The following EYS variants were observed in gnomAD, a reference collection of about 807,000 sequenced individuals.
The protein encoded by EYS is protein eyes shut homolog.
In EYS, 250 loss-of-function variants were observed where a neutral mutation model predicts 282.1. The observed-to-expected ratio is 0.89, with a 90% CI of 0.80 to 0.98. The LOEUF (loss-of-function observed/expected upper bound fraction) is 0.98. EYS is among the 50% of genes least tolerant of loss of function. EYS has a pLI of 0.00. For missense variants in EYS, 4,016 were observed against 3,709.0 expected (o/e 1.08, Z -2.15); for synonymous variants, 1,355 against 1,282.9 (o/e 1.06, Z -1.20).
intron 2 of EYS, among the ~76,000 whole-genome samples, chr6:65,521,929 G>T (rs1028626501): frequency 6.6e-6 from 1 of 152,034 alleles, no homozygotes; most frequent in African/African-American, 2.4e-5. Context: ...CAATGTAAGT[G>T]AATAAATGAT....
chr6:65,637,851 G>C (rs1347707535), intron 2 of EYS, among the ~76,000 whole-genome samples: 1 of 152,098 alleles, frequency 6.6e-6, no homozygotes, highest in African/African-American at 2.4e-5. Context: ...CTCAGCATGG[G>C]CCTGCAGCAC....
chr6:64,389,528 C>G (rs1773030593), intron 28 of EYS, among the ~76,000 whole-genome samples: 1 of 152,184 alleles, frequency 6.6e-6, no homozygotes, highest in African/African-American at 2.4e-5. Context: ...CCTGTCATCT[C>G]TAAGTAAATA....
intron 31 of EYS, among the ~76,000 whole-genome samples, chr6:64,121,073 C>T (rs1356584776): frequency 6.6e-6 from 1 of 152,142 alleles, no homozygotes; most frequent in Non-Finnish European, 1.5e-5. Context: ...CATGTGCCCC[C>T]CTCCCCCATA....
chr6:63,723,860 C>A (rs1284834001), intron 42 of EYS, among the ~76,000 whole-genome samples: 2 of 150,560 alleles, frequency 1.3e-5, no homozygotes, highest in Non-Finnish European at 3.0e-5. Context: ...CCTGCTCTGT[C>A]CCCCAAGCTG....
At chr6:64,838,205 G>A (rs183625161) in intron 19 of EYS, among the ~76,000 whole-genome samples, 128 of 151,890 alleles carry the variant, frequency 8.4e-4, no homozygotes, top group African/African-American at 3.1e-3. Context: ...CATAGTTTGG[G>A]ATTTGACTGT....
chr6:64,035,108 A>G (rs1241239056), intron 33 of EYS, among the ~76,000 whole-genome samples: 1 of 152,206 alleles, frequency 6.6e-6, no homozygotes, highest in Non-Finnish European at 1.5e-5. Context: ...AGTACACATG[A>G]CAGGCCCCAC....
intron 19 of EYS, among the ~76,000 whole-genome samples, chr6:64,861,923 A>C (rs965607397): frequency 6.6e-6 from 1 of 152,134 alleles, no homozygotes; most frequent in South Asian, 2.1e-4. Flanking sequence ...GTAGATTTCA[A>C]TTTCTGACCA....
chr6:65,115,777 G>GTTC (rs57803179), intron 12 of EYS, among the ~76,000 whole-genome samples: 39,692 of 151,744 alleles, frequency 0.26, 6,340 homozygotes, highest in African/African-American at 0.45. Flanking sequence ...AAAAGACATA[G>GTTC]ATTAGATTTC....
At chr6:64,467,273 A>G (rs889340868) in intron 26 of EYS, among the ~76,000 whole-genome samples, 2 of 152,180 alleles carry the variant, frequency 1.3e-5, no homozygotes, top group African/African-American at 4.8e-5. Flanking sequence ...CAGTCTGAAA[A>G]TTCCAGGTGT....
At chr6:63,785,586 A>AT (rs1416429259) in intron 39 of EYS, among the ~76,000 whole-genome samples, 2 of 152,254 alleles carry the variant, frequency 1.3e-5, no homozygotes, top group Non-Finnish European at 2.9e-5. Context: ...CTTTATGAGC[A>AT]TTAAAGGTCA....
At chr6:64,862,427 A>T (rs1310725315) in intron 19 of EYS, among the ~76,000 whole-genome samples, 1 of 152,114 alleles carries the variant, frequency 6.6e-6, no homozygotes, top group Non-Finnish European at 1.5e-5. Flanking sequence ...TTTTTGTGTA[A>T]GAGCAGAAAA....
chr6:65,270,073 C>T (rs971117778), intron 12 of EYS, among the ~76,000 whole-genome samples: 11 of 152,152 alleles, frequency 7.2e-5, no homozygotes, highest in Admixed American at 3.9e-4. Context: ...ATAGGTGCAA[C>T]TTGAAAGCCA....
chr6:64,632,276 C>T (rs896727707), intron 22 of EYS, among the ~76,000 whole-genome samples: 1 of 147,670 alleles, frequency 6.8e-6, no homozygotes, highest in African/African-American at 2.5e-5. Context: ...TTAGTGACCA[C>T]AACTACATAT....
At chr6:65,649,919 T>C (rs914142666) in intron 1 of EYS, among the ~76,000 whole-genome samples, 2 of 152,012 alleles carry the variant, frequency 1.3e-5, no homozygotes, top group African/African-American at 4.8e-5. Context: ...AATTCATGAA[T>C]AAAATTTCAT....
chr6:65,474,006 C>A lies in EYS; in HGVS notation c.862+16588G>T, dbSNP rs143016969. ...GTGATTTTCCTTGCAGTTAAGGAGA[C>A]CAAAAAATTTGAAGTAAGATTTTAA... is the stretch of plus-strand genomic sequence containing the variant. On this transcript the variant is annotated intron_variant, in intron 5 of 42. Transcript: ENST00000503581. 4.8e-3 allele frequency among the ~76,000 whole-genome samples: 722 copies of A among 151,752 alleles called. 3 individuals are homozygous for A. Among genetic ancestry groups the A allele is most frequent in the African/African-American group, 0.017 (685 of 41,416 alleles).
intron 41 of EYS, among the ~76,000 whole-genome samples, chr6:63,760,667 TC>T (rs1412136773): frequency 3.3e-5 from 5 of 149,716 alleles, no homozygotes; most frequent in African/African-American, 1.0e-4. Context: ...TATCTATCTA[TC>T]TATCTATCTA....
intron 26 of EYS, among the ~76,000 whole-genome samples, chr6:64,475,153 C>G (rs1562015197): frequency 6.6e-6 from 1 of 152,196 alleles, no homozygotes. Context: ...CCCAATGTCT[C>G]TCCTTAATTT....
intron 2 of EYS, among the ~76,000 whole-genome samples, chr6:65,578,576 A>G (rs1562269095): frequency 6.6e-6 from 1 of 151,914 alleles, no homozygotes; most frequent in African/African-American, 2.4e-5. Context: ...TAAAAATTGC[A>G]AAGCAATAGA....
intron 26 of EYS, among the ~76,000 whole-genome samples, chr6:64,534,423 C>T (rs921950593): frequency 2.0e-5 from 3 of 151,944 alleles, no homozygotes; most frequent in Non-Finnish European, 4.4e-5. Flanking sequence ...ATAGCATTGC[C>T]TCAGCAGGAA....
Sources: allele counts gnomAD v4.1 joint callset (sites outside exome capture counted in the v4.1 genomes callset), GRCh38; gene constraint gnomAD v4.1.1; transcripts MANE v1.5; gene names NCBI Gene and HGNC (gene_info 2026-07-23, HGNC 2026-07-21).